Variants in GBE1 observed in about 807,000 individuals in gnomAD.
GBE1 encodes 1,4-alpha-glucan-branching enzyme.
Under a neutral mutation model 88.8 loss-of-function variants are expected in GBE1, and 70 were observed. The observed-to-expected ratio is 0.79, with a 90% CI of 0.65 to 0.96. The LOEUF (loss-of-function observed/expected upper bound fraction) is 0.96. GBE1 is among the 40% of genes least tolerant of loss of function. GBE1 has a pLI of 0.00. For synonymous variants in GBE1, 284 were observed against 300.1 expected (o/e 0.95, Z 0.56); for missense variants, 872 against 871.0 (o/e 1.00, Z -0.01).
intron 2 of GBE1, among the ~76,000 whole-genome samples, chr3:81,703,067 A>G (rs1705723957): frequency 6.6e-6 from 1 of 152,000 alleles, no homozygotes; most frequent in African/African-American, 2.4e-5. Context: ...GTATCTTTAC[A>G]TAAAAATTTA....
rs1704143177 is a variant in GBE1 at position 81,609,400 on chromosome 3, T to G, written c.993-15377A>C. ...GGACTGGAACATTGGTCTACATCTG[T>G]CTGTCTCTTCACCCTCAAAAACACA... is the stretch of plus-strand genomic sequence containing the variant. On this transcript the variant is annotated intron_variant, in intron 7 of 15. Transcript: ENST00000429644. Among the ~76,000 whole-genome samples, 3 of 152,146 alleles carry G rather than the reference T, an allele frequency of 2.0e-5. No homozygotes were observed. In the South Asian group the frequency reaches 6.2e-4, roughly 31 times the overall value.
intron 7 of GBE1, among the ~76,000 whole-genome samples, chr3:81,637,112 T>C (rs1704602635): frequency 6.6e-6 from 1 of 152,140 alleles, no homozygotes; most frequent in Non-Finnish European, 1.5e-5. Flanking sequence ...TAACAATAAC[T>C]AATAAAATAG....
chr3:81,532,609 G>A (rs1375232468), intron 14 of GBE1, among the ~76,000 whole-genome samples: 1 of 152,000 alleles, frequency 6.6e-6, no homozygotes, highest in East Asian at 1.9e-4. Flanking sequence ...ACTGGTACAT[G>A]AGAACTTTTA....
chr3:81,634,868 T>C (rs1038051521), intron 7 of GBE1, among the ~76,000 whole-genome samples: 6 of 152,138 alleles, frequency 3.9e-5, no homozygotes, highest in African/African-American at 1.4e-4. Flanking sequence ...TGAATTATTT[T>C]ATATCAAGTG....
chr3:81,640,763 T>C (rs1704666635), intron 7 of GBE1, among the ~76,000 whole-genome samples: 1 of 151,818 alleles, frequency 6.6e-6, no homozygotes, highest in Non-Finnish European at 1.5e-5. Flanking sequence ...TGTAGAATAA[T>C]ACAAATGCAA....
intron 15 of GBE1, among the ~76,000 whole-genome samples, chr3:81,496,860 T>C (rs1000633130): frequency 3.3e-5 from 5 of 152,186 alleles, no homozygotes; most frequent in Middle Eastern, 6.3e-3. Context: ...TAAAGGTGTA[T>C]TTAAACGAGT....
At chr3:81,623,064 C>G (rs759987176) in intron 7 of GBE1, among the ~76,000 whole-genome samples, 1 of 152,106 alleles carries the variant, frequency 6.6e-6, no homozygotes, top group African/African-American at 2.4e-5. Context: ...TGATCCAAAC[C>G]TTTTAAAAGC....
rs1295929595 is a variant in GBE1 at position 81,648,899 on chromosome 3, A to G, written c.648T>C (p.Tyr216=). ...GTAGTACATTGCATGTAAAATGTTT[A>G]TAAGAAGCTACTTTTCCTTCATGGG... ...ISSHEGKVAS[Y]KHFTCNVLPR... is the part of the protein sequence containing the mutation. The change falls in exon 5 of 16, where the codon TAT becomes TAC. Residue 216 remains tyrosine (Y), a synonymous_variant. Coordinates refer to ENST00000429644, the MANE Select transcript of GBE1 (RefSeq NM_000158.4). 2.5e-6 allele frequency: 4 copies of G among 1,587,402 alleles called. No homozygotes were observed. Among genetic ancestry groups the G allele is most frequent in the Middle Eastern group, 1.7e-4 (1 of 5,978 alleles).
chr3:81,557,153 A>G (rs1703359666), intron 12 of GBE1, among the ~76,000 whole-genome samples: 1 of 152,090 alleles, frequency 6.6e-6, no homozygotes, highest in Non-Finnish European at 1.5e-5. Flanking sequence ...CTGGCTCCAA[A>G]GCTGAACTTT....
chr3:81,581,998 C>A (rs956759732), intron 10 of GBE1, among the ~76,000 whole-genome samples: 1 of 152,014 alleles, frequency 6.6e-6, no homozygotes, highest in Non-Finnish European at 1.5e-5. Context: ...TAATCTACCA[C>A]TGTGAAACTC....
intron 7 of GBE1, among the ~76,000 whole-genome samples, chr3:81,631,106 A>G (rs1365192374): frequency 6.6e-6 from 1 of 152,142 alleles, no homozygotes; most frequent in East Asian, 1.9e-4. Flanking sequence ...CAGTAGGCTT[A>G]GGTGGGAGGA....
At chr3:81,508,966 T>C (rs928985700) in intron 14 of GBE1, among the ~76,000 whole-genome samples, 5 of 152,110 alleles carry the variant, frequency 3.3e-5, no homozygotes, top group African/African-American at 1.2e-4. Flanking sequence ...TGAAGCAATC[T>C]ATTACTGAGT....
intron 7 of GBE1, chr3:81,612,258 C>T: frequency 2.1e-6 from 1 of 472,574 alleles, no homozygotes; most frequent in Non-Finnish European, 3.5e-6. Context: ...AAGAAGCTCT[C>T]TGGTTCCTCA....
At chr3:81,560,824 T>C (rs2106909052) in intron 12 of GBE1, among the ~76,000 whole-genome samples, 1 of 152,150 alleles carries the variant, frequency 6.6e-6, no homozygotes, top group Admixed American at 6.6e-5. Context: ...ATAAGGCTTA[T>C]ATTTTTAAGC....
chr3:81,500,423 T>A (rs574348573), intron 14 of GBE1, among the ~76,000 whole-genome samples: 12 of 152,150 alleles, frequency 7.9e-5, no homozygotes, highest in South Asian at 2.1e-4. Context: ...TTGTGGAATT[T>A]AAAAAAAACT....
In GBE1 at chr3:81,750,538, C is replaced by CGTATATAT. The variant is rs1559708303; in HGVS notation, c.143+10829_143+10836dup. 5.4e-3 allele frequency among the ~76,000 whole-genome samples: 363 copies of CGTATATAT among 67,748 alleles called. 3 individuals carry two copies. Among genetic ancestry groups the CGTATATAT allele is most frequent in the Non-Finnish European group, 6.5e-3 (254 of 39,306 alleles). The allele number at this position is 67,748 out of a possible 152,430, so 44.4% of individuals were successfully genotyped here. On this transcript the variant is annotated intron_variant, in intron 1 of 15. Coordinates refer to ENST00000429644, the MANE Select transcript of GBE1 (RefSeq NM_000158.4). ...CTCAAAACATTCATATATATATATA[C>CGTATATAT]GTATATATATATGTATATATATATG...
chr3:81,615,657 A>G (rs1704239877), intron 7 of GBE1, among the ~76,000 whole-genome samples: 1 of 152,174 alleles, frequency 6.6e-6, no homozygotes, highest in Non-Finnish European at 1.5e-5. Flanking sequence ...ATATGGATGT[A>G]CTACACTCTG....
At chr3:81,612,079 A>T (rs1432845364) in intron 7 of GBE1, among the ~76,000 whole-genome samples, 1 of 152,098 alleles carries the variant, frequency 6.6e-6, no homozygotes, top group Non-Finnish European at 1.5e-5. Context: ...AGAAACAAAC[A>T]CTAGTTTAAG....
At chr3:81,631,489 C>A (rs1323044710) in intron 7 of GBE1, among the ~76,000 whole-genome samples, 1 of 151,904 alleles carries the variant, frequency 6.6e-6, no homozygotes, top group Non-Finnish European at 1.5e-5. Flanking sequence ...GTAATCCCAG[C>A]ACTTTGGAAG....
Sources: allele counts gnomAD v4.1 joint callset (sites outside exome capture counted in the v4.1 genomes callset), GRCh38; gene constraint gnomAD v4.1.1; transcripts MANE v1.5; gene names NCBI Gene and HGNC (gene_info 2026-07-23, HGNC 2026-07-21).